COX11: variants seen among roughly 807,000 people sequenced by gnomAD.
COX11 encodes the protein cytochrome c oxidase copper chaperone COX11, also known as cytochrome c oxidase assembly protein COX11, mitochondrial.
COX11 carries 18 observed loss-of-function variants against 29.4 expected under a neutral mutation model. The observed-to-expected ratio is 0.61, with a 90% CI of 0.42 to 0.91. The LOEUF is 0.91. COX11 is among the 40% of genes least tolerant of loss of function. The pLI is 0.00. For synonymous variants in COX11, 131 were observed against 124.0 expected, an observed-to-expected ratio of 1.06 and a Z score of -0.38; for missense variants, 312 against 346.0, an observed-to-expected ratio of 0.90 and a Z score of 0.78.
At chr17:54,958,730 CAA>C (rs61603848), downstream of COX11, among the ~76,000 whole-genome samples, 422 of 57,454 alleles carry the variant, frequency 7.3e-3, 12 homozygotes, top group South Asian at 0.12. Flanking sequence ...AACTCCATCT[CAA>C]AAAAAAAAAA....
In COX11 at chr17:54,968,273, G is replaced by GC. The variant is rs2077307330; in HGVS notation, c.366+7dup. ...CTGCGCCACCCTGCGGGCGGCGCCG[G>GC]CCCCTACCTGGCAATAGAGCCGATA... On this transcript the variant is annotated splice_region_variant and intron_variant, in intron 1 of 3. Coordinates refer to ENST00000299335, the MANE Select transcript of COX11 (RefSeq NM_004375.5). 4 of 1,602,002 alleles carry GC rather than the reference G, an allele frequency of 2.5e-6. No individual in the cohort carries two copies. In the East Asian group the frequency reaches 8.9e-5, roughly 36 times the overall value.
chr17:54,968,744 G>A (rs2144221307), upstream of COX11: 3 of 1,410,264 alleles, frequency 2.1e-6, no homozygotes, highest in East Asian at 6.9e-5. Flanking sequence ...GCCTGCCGCT[G>A]CCTTGGCTAC....
At position 54,960,572 on chromosome 17, in the gene COX11, T is replaced by G; in HGVS notation, c.*2161A>C. On this transcript the variant is annotated 3_prime_UTR_variant, in exon 4 of 4. Coordinates refer to ENST00000299335, the MANE Select transcript of COX11 (RefSeq NM_004375.5). The stretch of plus-strand genomic sequence containing the variant: ...TGTGATGGCTTTGTTTCAGAGCTAT[T>G]TATGAAGAAATTGATGCTCACCAGC... 1 of 1,613,082 alleles carries G rather than the reference T, an allele frequency of 6.2e-7. No individual in the cohort carries two copies. The highest frequency in any genetic ancestry group is 1.1e-5 in the South Asian group (1 of 91,036).
Position 54,961,872 on chromosome 17 carries a change from TTAATA to T in COX11, c.*856_*860del, listed in dbSNP as rs1306012132. 17 of 934,038 alleles carry T rather than the reference TTAATA, an allele frequency of 1.8e-5. No homozygotes were observed. The highest frequency in any genetic ancestry group is 2.2e-5 in the Non-Finnish European group (17 of 782,944). The allele number at this position is 934,038 out of a possible 1,614,324, so 57.9% of individuals were successfully genotyped here. A position where few individuals can be genotyped will look rare whatever the true frequency, so the allele number is the denominator to read the frequency against. ...CCTTTTTTTCTCTTTTTACTGCAACTTAATATTTCTATTTAGAACACAGAAAATGA... is the reference window on the plus strand; with the variant it reads ...CCTTTTTTTCTCTTTTTACTGCAACTTTTCTATTTAGAACACAGAAAATGA... On this transcript the variant is annotated 3_prime_UTR_variant, in exon 4 of 4. Coordinates refer to ENST00000299335, the MANE Select transcript of COX11 (RefSeq NM_004375.5).
chr17:54,958,748 A>AGG (rs57608062), downstream of COX11, among the ~76,000 whole-genome samples: 2 of 118,928 alleles, frequency 1.7e-5, no homozygotes, highest in Admixed American at 9.2e-5. Flanking sequence ...AAAAAAAAAA[A>AGG]GGGGTTGTTG....
At chr17:54,956,815 A>G (rs2144051636), downstream of COX11, 1 of 152,130 alleles carries the variant, frequency 6.6e-6, no homozygotes, top group African/African-American at 2.4e-5. Context: ...TCTCCAAAGC[A>G]GGAAAGTGAC....
At chr17:54,959,449 G>A (rs1209880618), downstream of COX11, 2 of 152,040 alleles carry the variant, frequency 1.3e-5, no homozygotes, top group Admixed American at 6.6e-5. Context: ...CTGCACTCCA[G>A]CCTGGGTGAC....
chr17:54,965,357 C>T (rs1479667988), intron 1 of COX11, among the ~76,000 whole-genome samples: 1 of 152,162 alleles, frequency 6.6e-6, no homozygotes, highest in Non-Finnish European at 1.5e-5. Flanking sequence ...TAACATTCTG[C>T]TTTTCTAAGG....
At position 54,961,981 on chromosome 17, in the gene COX11, A is replaced by C; in HGVS notation, c.*752T>G. On this transcript the variant is annotated 3_prime_UTR_variant, in exon 4 of 4. Transcript: ENST00000299335. ...ATTTAATACTTTTTTTTTTTAACAA[A>C]GGTTTGTTTCCAGAAGAACTTTTGA... 1.0e-6 allele frequency: 1 copy of C among 963,570 alleles called. No homozygotes were observed. Among genetic ancestry groups the C allele is most frequent in the Non-Finnish European group, 1.2e-6 (1 of 810,044 alleles). The allele number at this position is 963,570 out of a possible 1,614,324, so 59.7% of individuals were successfully genotyped here. A position where few individuals can be genotyped will look rare whatever the true frequency, so the allele number is the denominator to read the frequency against.
chr17:54,963,068 T>G (rs1410140936), intron 3 of COX11, 153 bp from the exon 4 acceptor site: 1 of 794,120 alleles, frequency 1.3e-6, no homozygotes, highest in East Asian at 2.7e-5. Flanking sequence ...AAGAGCATCT[T>G]TTCATCTCAA....
rs2077309842 is a variant in COX11 at position 54,968,321 on chromosome 17, GC to G, written c.325del (p.Ala109ArgfsTer87). The G allele has an allele frequency of 1.2e-6, 2 of 1,612,644 alleles. No individual in the cohort carries two copies. The highest frequency in any genetic ancestry group is 1.7e-5 in the Admixed American group (1 of 59,974). ...VAAVAVGMLG[A>X]SYAAVPLYRL... is the part of the protein sequence containing the mutation. ...ATAAAGGGGTACGGCAGCGTAGGACGCCCCCAGCATGCCCACGGCGACAGCG... is the reference window on the plus strand; with the variant it reads ...ATAAAGGGGTACGGCAGCGTAGGACGCCCCAGCATGCCCACGGCGACAGCG... On this transcript the variant is annotated frameshift_variant, in exon 1 of 4. Coordinates refer to ENST00000299335, the MANE Select transcript of COX11 (RefSeq NM_004375.5). LOFTEE classifies it high-confidence loss of function.
intron 1 of COX11, among the ~76,000 whole-genome samples, chr17:54,965,664 T>G (rs1050628567): frequency 6.6e-6 from 1 of 151,936 alleles, no homozygotes; most frequent in African/African-American, 2.4e-5. Context: ...CCGTCTCTAT[T>G]AAAAATAGAA....
exon 1 of COX11, chr17:54,954,007 G>A (rs931622396): frequency 6.6e-6 from 1 of 152,162 alleles, no homozygotes. Context: ...CCAGGGACTG[G>A]CTTGCTTCCC....
At chr17:54,957,652 CA>C (rs2076978843), downstream of COX11, 4 of 152,110 alleles carry the variant, frequency 2.6e-5, no homozygotes. Context: ...GACTTCCCTC[CA>C]AGGAAAAGCA....
chr17:54,963,193 GT>G, intron 3 of COX11, 112 bp downstream of exon 3: 1 of 1,215,812 alleles, frequency 8.2e-7, no homozygotes. Flanking sequence ...ATAGCTTGAT[GT>G]TTAGAAGAAA....
At chr17:54,956,934 G>A (rs2049541041), downstream of COX11, 1 of 152,220 alleles carries the variant, frequency 6.6e-6, no homozygotes, top group Admixed American at 6.5e-5. Flanking sequence ...CAGGTCACAT[G>A]TTATGGTAAT....
rs1252535561 is a variant in COX11 at position 54,968,568 on chromosome 17, T to C, written c.79A>G (p.Arg27Gly). ...WRWIHPGSPTRAAERVEPFLR... is the reference protein window; with the variant it reads ...WRWIHPGSPTGAAERVEPFLR... ...AACGGCTCTACCCTCTCTGCAGCCC[T>C]GGTTGGAGACCCAGGGTGGATCCAG... The change falls in exon 1 of 4, where the codon AGG becomes GGG. Residue 27 changes from arginine to glycine, a missense_variant. Arg to Gly is a moderately radical substitution (Grantham distance 125). This residue lies in a region of COX11 where 130 missense variants were observed against 106.0 expected (regional missense o/e 1.23). Transcript: ENST00000299335. The C allele has an allele frequency of 2.5e-6, 4 of 1,613,008 alleles. No homozygotes were observed. The highest frequency in any genetic ancestry group is 3.4e-6 in the Non-Finnish European group (4 of 1,179,976).
downstream of COX11, chr17:54,956,869 T>C (rs1236280697): frequency 1.3e-5 from 2 of 152,222 alleles, no homozygotes; most frequent in Non-Finnish European, 2.9e-5. Context: ...GGGTATGTCG[T>C]TGCATGGAAA....
intron 2 of COX11, 82 bp from the exon 3 acceptor site, chr17:54,963,513 T>C (rs2144141005): frequency 7.0e-7 from 1 of 1,432,166 alleles, no homozygotes; most frequent in East Asian, 2.5e-5. Context: ...TCTCATTATT[T>C]TGCCTATTCA....
Sources: gnomAD v4.1 joint callset for allele counts (sites outside exome capture counted in the v4.1 genomes callset) on GRCh38, gnomAD v4.1.1 for gene constraint, gnomAD v4.1.1 regional missense constraint, MANE v1.5 for transcripts, NCBI Gene and HGNC (gene_info 2026-07-23, HGNC 2026-07-21) for gene names.